SLC5A4: variants seen among roughly 807,000 people sequenced by gnomAD.
The protein encoded by SLC5A4 is probable glucose sensor protein SLC5A4.
A neutral mutation model predicts 70.3 loss-of-function variants in SLC5A4; 55 were observed. The observed-to-expected ratio is 0.78, with a 90% confidence interval of 0.63 to 0.98. The LOEUF is 0.98. Among genes scored for constraint, SLC5A4 ranks in the 50% least tolerant of loss-of-function variants. The probability of loss-of-function intolerance (pLI) is 0.00; values close to 1 mark genes in which losing one functional copy is unlikely to be tolerated. For missense variants in SLC5A4, 735 were observed against 839.2 expected (o/e 0.88, Z 1.53); for synonymous variants, 268 against 305.7 (o/e 0.88, Z 1.29).
the SLC5A4 span, chr22:32,354,847 C>G: frequency 1.3e-5 from 2 of 152,422 alleles, no homozygotes; most frequent in Non-Finnish European, 2.9e-5. Context: ...ACCATTTTAC[C>G]ATTCTGGCTG....
intron 8 of SLC5A4, 109 bp downstream of exon 8, chr22:32,234,764 A>G (rs757565375): frequency 1.7e-5 from 15 of 866,254 alleles, no homozygotes; most frequent in Non-Finnish European, 2.6e-5. Flanking sequence ...TGTGTGCAAA[A>G]TGGAAACTAA....
At chr22:32,269,523 G>T in the SLC5A4 span, 2 of 607,520 alleles carry the variant, frequency 3.3e-6, no homozygotes, top group South Asian at 2.9e-5. The surrounding 1 kb of genome is among the most constrained non-coding windows in gnomAD (Gnocchi z 4.1). Flanking sequence ...CAGGACACGT[G>T]CTCCATCGTG....
chr22:32,239,518 T>TTTTATATA (rs1455543266), intron 5 of SLC5A4, among the ~76,000 whole-genome samples: 13 of 25,226 alleles, frequency 5.2e-4, no homozygotes, highest in Admixed American at 8.8e-4. Flanking sequence ...GGAGTGCATA[T>TTTTATATA]TATATATATA....
At chr22:32,276,098 T>C in the SLC5A4 span, among the ~76,000 whole-genome samples, 3 of 152,362 alleles carry the variant, frequency 2.0e-5, no homozygotes, top group East Asian at 5.8e-4. Flanking sequence ...TTTCCTAATA[T>C]ATAAAAGCAT....
At chr22:32,249,069 T>C (rs1473153837) in intron 3 of SLC5A4, among the ~76,000 whole-genome samples, 1 of 152,144 alleles carries the variant, frequency 6.6e-6, no homozygotes, top group East Asian at 1.9e-4. Context: ...TGGAAGGTCA[T>C]ACAATCTTTG....
At chr22:32,302,168 C>G in the SLC5A4 span, among the ~76,000 whole-genome samples, 1 of 151,728 alleles carries the variant, frequency 6.6e-6, no homozygotes, top group Non-Finnish European at 1.5e-5. Flanking sequence ...CTTTGTATAT[C>G]CTCTTTAAAT....
At chr22:32,301,008 G>C in the SLC5A4 span, among the ~76,000 whole-genome samples, 1 of 152,128 alleles carries the variant, frequency 6.6e-6, no homozygotes, top group Non-Finnish European at 1.5e-5. Context: ...TGTCGCCCAG[G>C]CTGGAGTGCA....
the SLC5A4 span, among the ~76,000 whole-genome samples, chr22:32,307,203 CTGT>C: frequency 1.9e-3 from 287 of 152,256 alleles, 1 homozygote; most frequent in Non-Finnish European, 2.8e-3. Flanking sequence ...GGATTTCAGT[CTGT>C]TAAGGGCAAA....
chr22:32,261,891 T>G, the SLC5A4 span, among the ~76,000 whole-genome samples: 1 of 152,236 alleles, frequency 6.6e-6, no homozygotes, highest in Non-Finnish European at 1.5e-5. Context: ...CTGTTTTGAT[T>G]TTTAGATCCC....
chr22:32,335,472 T>C, the SLC5A4 span, among the ~76,000 whole-genome samples: 21 of 152,270 alleles, frequency 1.4e-4, no homozygotes, highest in Middle Eastern at 3.4e-3. Context: ...GAAAAGAGGA[T>C]AGACTTTGGG....
At chr22:32,324,640 C>T in the SLC5A4 span, among the ~76,000 whole-genome samples, 16,249 of 152,246 alleles carry the variant, frequency 0.11, 1,013 homozygotes, top group Middle Eastern at 0.15. Context: ...CACACAGCAC[C>T]GTAGAGTCCC....
chr22:32,338,084 CTCTT>C, the SLC5A4 span, among the ~76,000 whole-genome samples: 517 of 152,282 alleles, frequency 3.4e-3, 1 homozygote, highest in African/African-American at 0.012. Context: ...AAAAATACAA[CTCTT>C]AAATCAGCGA....
chr22:32,286,568 T>C, the SLC5A4 span, among the ~76,000 whole-genome samples: 3 of 152,206 alleles, frequency 2.0e-5, no homozygotes, highest in African/African-American at 7.2e-5. Context: ...CTGTCCCGAC[T>C]AATCATTGGT....
chr22:32,303,864 T>C, the SLC5A4 span, among the ~76,000 whole-genome samples: 2 of 152,218 alleles, frequency 1.3e-5, no homozygotes, highest in African/African-American at 4.8e-5. Context: ...TTTTGTTTTG[T>C]AAGAAACTGC....
the SLC5A4 span, among the ~76,000 whole-genome samples, chr22:32,305,701 G>C: frequency 1.5e-5 from 2 of 129,956 alleles, no homozygotes; most frequent in African/African-American, 6.0e-5. Flanking sequence ...GAGGGACGGT[G>C]GCTTTTCAGG....
chr22:32,235,122 G>A (rs1925990923), intron 7 of SLC5A4, 29 bp from the exon 8 acceptor site: 2 of 1,507,428 alleles, frequency 1.3e-6, no homozygotes, highest in South Asian at 2.3e-5. Context: ...AAAATGAGAT[G>A]TCTTACTGAA....
the SLC5A4 span, among the ~76,000 whole-genome samples, chr22:32,322,601 A>G: frequency 7.4e-5 from 11 of 147,844 alleles, no homozygotes; most frequent in Non-Finnish European, 1.2e-4. Flanking sequence ...AAAAAAAATT[A>G]TTGGAAAAAA....
At chr22:32,312,386 C>CACACACACACACACACACAT in the SLC5A4 span, among the ~76,000 whole-genome samples, 3 of 150,320 alleles carry the variant, frequency 2.0e-5, no homozygotes, top group African/African-American at 4.9e-5. Context: ...CACACACACA[C>CACACACACACACACACACAT]GCACATTCAA....
At chr22:32,272,616 C>A in the SLC5A4 span, 110,995 of 603,126 alleles carry the variant, frequency 0.18, 11,473 homozygotes, top group East Asian at 0.32. Flanking sequence ...GGTGTCTGAC[C>A]ACGACTGCAG....
Sources: allele counts gnomAD v4.1 joint callset (sites outside exome capture counted in the v4.1 genomes callset), GRCh38; gene constraint gnomAD v4.1.1; non-coding constraint Gnocchi (gnomAD v3.1); transcripts MANE v1.5; gene names NCBI Gene and HGNC (gene_info 2026-07-23, HGNC 2026-07-21).